Variants in CDH1 observed in about 807,000 individuals in gnomAD.
CDH1 encodes the protein cadherin 1.
In CDH1, 35 loss-of-function variants were observed where a neutral mutation model predicts 84.5. The ratio of observed to expected loss-of-function variants is 0.41; its 90% confidence interval spans 0.32 to 0.55. The LOEUF is 0.55. CDH1 is among the 20% of genes least tolerant of loss of function. The pLI is 0.19. For missense variants in CDH1, 994 were observed against 1,126.6 expected (o/e 0.88, Z 1.68); for synonymous variants, 417 against 439.0 (o/e 0.95, Z 0.63).
intron 2 of CDH1, among the ~76,000 whole-genome samples, chr16:68,754,129 A>T (rs940593522): frequency 4.6e-5 from 7 of 151,284 alleles, no homozygotes; most frequent in Admixed American, 2.0e-4. Flanking sequence ...AAAAAAAAAA[A>T]AAAAATTATT....
chr16:68,825,473 T>A (rs1392848927), intron 13 of CDH1, among the ~76,000 whole-genome samples: 1 of 152,214 alleles, frequency 6.6e-6, no homozygotes, highest in African/African-American at 2.4e-5. Flanking sequence ...TTGATCCTGC[T>A]GCTGCTGCCT....
intron 10 of CDH1, among the ~76,000 whole-genome samples, chr16:68,816,178 C>T (rs1191563593): frequency 2.6e-5 from 4 of 152,064 alleles, no homozygotes; most frequent in East Asian, 1.9e-4. Context: ...CCACCACGCC[C>T]GGCTAATTTT....
intron 2 of CDH1, among the ~76,000 whole-genome samples, chr16:68,755,760 A>ATTT (rs34523825): frequency 2.4e-5 from 3 of 122,460 alleles, no homozygotes; most frequent in Non-Finnish European, 3.5e-5. Flanking sequence ...AGTTTTCTAA[A>ATTT]TTTTTTTTTT....
In CDH1 at chr16:68,801,755, T is replaced by C. The variant is rs878854687; in HGVS notation, c.249T>C (p.Ile83=). 6.2e-7 allele frequency: 1 copy of C among 1,614,184 alleles called. No individual in the cohort carries two copies. Among genetic ancestry groups the C allele is most frequent in the Non-Finnish European group, 8.5e-7 (1 of 1,180,008 alleles). Residue 83 remains isoleucine (I), a synonymous_variant, in exon 3 of 16, where the codon ATT becomes ATC. Coordinates refer to ENST00000261769, the MANE Select transcript of CDH1 (RefSeq NM_004360.5). ...TCAAAGTGGGCACAGATGGTGTGAT[T>C]ACAGTCAAAAGGCCTCTACGGTTTC... The part of the protein sequence containing the change: ...TRFKVGTDGV[I]TVKRPLRFHN...
intron 2 of CDH1, among the ~76,000 whole-genome samples, chr16:68,741,774 A>T (rs1451004074): frequency 2.0e-5 from 3 of 151,846 alleles, no homozygotes; most frequent in Non-Finnish European, 4.4e-5. Flanking sequence ...CTGCTTCCTC[A>T]GTTCAAGCAA....
At chr16:68,780,182 T>A (rs1959836998) in intron 2 of CDH1, among the ~76,000 whole-genome samples, 1 of 152,084 alleles carries the variant, frequency 6.6e-6, no homozygotes, top group African/African-American at 2.4e-5. Context: ...TTCCAGCAAG[T>A]CTTAGGTCTC....
At chr16:68,743,359 C>CTTTCTTTCT (rs1555510238) in intron 2 of CDH1, among the ~76,000 whole-genome samples, 5 of 55,570 alleles carry the variant, frequency 9.0e-5, no homozygotes, top group Non-Finnish European at 1.4e-4. Context: ...TTCTTTCTTT[C>CTTTCTTTCT]TTTCTTTTCT....
rs187449652 is a variant in CDH1, at chr16:68,739,102, A to G, written c.163+691A>G. On this transcript the variant is annotated intron_variant, in intron 2 of 15. Transcript: ENST00000261769. ...TAGCTGGTTATCATGGGCATGTGCC[A>G]CCACACCTGGATAATTTTAACTTTT... Among the ~76,000 whole-genome samples the G allele has an allele frequency of 6.6e-5, 10 of 151,788 alleles. No individual in the cohort carries two copies. In the East Asian group the frequency reaches 1.4e-3, roughly 21 times the overall value.
At chr16:68,768,233 ACTGCGCCCGG>A (rs1959446512) in intron 2 of CDH1, among the ~76,000 whole-genome samples, 1 of 152,244 alleles carries the variant, frequency 6.6e-6, no homozygotes, top group Non-Finnish European at 1.5e-5. Flanking sequence ...GGCGTGAGCC[ACTGCGCCCGG>A]CTTAATTACG....
intron 2 of CDH1, among the ~76,000 whole-genome samples, chr16:68,780,068 C>T (rs1390919750): frequency 6.6e-6 from 1 of 152,186 alleles, no homozygotes; most frequent in Non-Finnish European, 1.5e-5. Context: ...TACTCAGCCA[C>T]CACCCTGGAT....
chr16:68,780,952 C>T (rs538802197), intron 2 of CDH1, among the ~76,000 whole-genome samples: 3 of 152,308 alleles, frequency 2.0e-5, no homozygotes, highest in East Asian at 1.9e-4. Context: ...AAGCTCAATG[C>T]GGCTACTGTG....
At chr16:68,772,081 G>A (rs762015149) in intron 2 of CDH1, among the ~76,000 whole-genome samples, 11 of 152,170 alleles carry the variant, frequency 7.2e-5, no homozygotes, top group African/African-American at 2.7e-4. Context: ...AACTTGGGTC[G>A]TCTGACCTCT....
chr16:68,795,475 G>A, intron 2 of CDH1, among the ~76,000 whole-genome samples: 1 of 151,684 alleles, frequency 6.6e-6, no homozygotes, highest in African/African-American at 2.4e-5. Flanking sequence ...TGCCTGGCTA[G>A]TTCTCTGATT....
At chr16:68,807,166 T>C (rs1047288006) in intron 3 of CDH1, among the ~76,000 whole-genome samples, 1 of 152,228 alleles carries the variant, frequency 6.6e-6, no homozygotes, top group African/African-American at 2.4e-5. Flanking sequence ...GTTATCTTTA[T>C]TGCATATGAA....
intron 2 of CDH1, among the ~76,000 whole-genome samples, chr16:68,776,400 G>A (rs1959733585): frequency 6.6e-6 from 1 of 152,198 alleles, no homozygotes; most frequent in African/African-American, 2.4e-5. Context: ...AAAGTGCTGA[G>A]TGGCATGCCT....
intron 2 of CDH1, among the ~76,000 whole-genome samples, chr16:68,745,574 A>G (rs2152116403): frequency 9.5e-6 from 1 of 105,432 alleles, no homozygotes; most frequent in East Asian, 2.5e-4. Context: ...GTATATATAT[A>G]TGTATGTGTA....
intron 2 of CDH1, among the ~76,000 whole-genome samples, chr16:68,794,060 G>T (rs764749198): frequency 4.7e-4 from 72 of 151,916 alleles, no homozygotes; most frequent in Non-Finnish European, 9.1e-4. Context: ...TTGATACAAG[G>T]TCTCACTCTG....
chr16:68,801,828 A>G lies in CDH1; in HGVS notation c.322A>G (p.Arg108Gly), dbSNP rs587778172. 16 of 1,614,108 alleles carry G rather than the reference A, an allele frequency of 9.9e-6. No homozygotes were observed. The South Asian group carries it at 1.6e-4, about 17-fold the overall frequency. The change falls in exon 3 of 16, where the codon AGA becomes GGA. Residue 108 changes from arginine to glycine, a missense_variant. By Grantham distance (125) the Arg-to-Gly change is moderately radical (BLOSUM62 -2). Coordinates refer to ENST00000261769, the MANE Select transcript of CDH1 (RefSeq NM_004360.5). ...FLVYAWDSTY[R>G]KFSTKVTLNT... ...GGTCTACGCCTGGGACTCCACCTAC[A>G]GAAAGTTTTCCACCAAAGTCACGCT...
At chr16:68,796,764 G>GAA (rs35199353) in intron 2 of CDH1, among the ~76,000 whole-genome samples, 106 of 148,716 alleles carry the variant, frequency 7.1e-4, no homozygotes, top group South Asian at 1.1e-3. Context: ...TTTTTGTCAT[G>GAA]AAAAAAAAAA....
Sources: gnomAD v4.1 joint callset for allele counts (sites outside exome capture counted in the v4.1 genomes callset) on GRCh38, gnomAD v4.1.1 for gene constraint, MANE v1.5 for transcripts, NCBI Gene and HGNC (gene_info 2026-07-23, HGNC 2026-07-21) for gene names.